The following CCDC17 variants were observed in gnomAD, a reference collection of about 807,000 sequenced individuals.
The protein encoded by CCDC17 is coiled-coil domain containing 17.
A neutral mutation model predicts 68.0 loss-of-function variants in CCDC17; 79 were observed. The observed-to-expected ratio is 1.16, with a 90% CI of 0.97 to 1.40. The LOEUF is 1.40. CCDC17 is among the 40% of genes most tolerant of loss of function. CCDC17 has a pLI of 0.00. For synonymous variants in CCDC17, 376 were observed against 337.5 expected (o/e 1.11, Z -1.25); for missense variants, 846 against 811.5 (o/e 1.04, Z -0.52).
rs1470665082 is a variant in CCDC17, at chr1:45,621,056, T to C, written c.1446A>G (p.Leu482=). The C allele has an allele frequency of 6.2e-7, 1 of 1,614,012 alleles. No individual in the cohort carries two copies. Among genetic ancestry groups the C allele is most frequent in the Non-Finnish European group, 8.5e-7 (1 of 1,179,886 alleles). Reference sequence around the variant, plus strand: ...TTGGCTGTGGTGCCCTAGCCCATGCTAGCCCCTGCCAGACCTGCAGCTCAC... The same window carrying C: ...TTGGCTGTGGTGCCCTAGCCCATGCCAGCCCCTGCCAGACCTGCAGCTCAC... ...LVCELQVWQG[L]AWARAPQPKA... is the part of the protein sequence containing the mutation. The change falls in exon 11 of 13, where the codon CTA becomes CTG. Residue 482 remains leucine (L), a synonymous_variant. Transcript: ENST00000528266.
Position 45,620,174 on chromosome 1 carries a change from T to C in CCDC17, c.*101A>G. 1 of 1,372,536 alleles carries C rather than the reference T, an allele frequency of 7.3e-7. No homozygotes were observed. Among genetic ancestry groups the C allele is most frequent in the Non-Finnish European group, 9.8e-7 (1 of 1,021,984 alleles). The allele number at this position is 1,372,536 out of a possible 1,614,324, so 85.0% of individuals were successfully genotyped here. On this transcript the variant is annotated 3_prime_UTR_variant, in exon 13 of 13. Coordinates refer to ENST00000528266, the MANE Select transcript of CCDC17 (RefSeq NM_001114938.3). ...TTTCTGTACTCAACTGCTAGATGCT[T>C]CTAGACCCAATGTCAGAACATGGAG...
intron 12 of CCDC17, 49 bp downstream of exon 12, chr1:45,620,674 A>G: frequency 1.9e-6 from 3 of 1,557,840 alleles, no homozygotes; most frequent in Non-Finnish European, 2.6e-6. Context: ...CATACCAGCC[A>G]CACCGGTATG....
intron 9 of CCDC17, 53 bp downstream of exon 9, chr1:45,621,585 A>G: frequency 6.2e-7 from 1 of 1,602,176 alleles, no homozygotes; most frequent in Non-Finnish European, 8.5e-7. Context: ...GGCTCCCTTA[A>G]CCAGCAGTGC....
rs756105729 is a variant in CCDC17, at chr1:45,622,818, G to A, written c.673C>T (p.Arg225Trp). The change falls in exon 5 of 13, where the codon CGG (arginine) becomes TGG (tryptophan). Residue 225 changes from arginine (R) to tryptophan (W), a missense_variant. By Grantham distance (101) the Arg-to-Trp change is moderately radical. Coordinates refer to ENST00000528266, the MANE Select transcript of CCDC17 (RefSeq NM_001114938.3). ...GGAGAATAAAGTTCTGCCTCTCGCC[G>A]GGAGCTCAGCGGGTTCCTGGGGTGG... Reference protein sequence around the residue: ...QAEPGNPLSSRREAELYSPVQ... With the variant: ...QAEPGNPLSSWREAELYSPVQ... 1.3e-6 allele frequency: 2 copies of A among 1,598,934 alleles called. No individual in the cohort carries two copies. Among genetic ancestry groups the A allele is most frequent in the Middle Eastern group, 1.7e-4 (1 of 6,046 alleles).
In CCDC17 at chr1:45,624,022, G is replaced by A. The variant is rs1327510321; in HGVS notation, c.-113C>T. On this transcript the variant is annotated 5_prime_UTR_variant, in exon 1 of 13. In the 5' UTR this introduces an upstream ATG that the reference lacks. Transcript: ENST00000528266. ...AAGCCAGAGGCAGAGAGGAAAGGCC[G>A]TGTCTATTAGGTCTGTGAGATCTTC... The A allele has an allele frequency of 2.3e-5, 17 of 747,282 alleles. No homozygotes were observed. The highest frequency in any genetic ancestry group is 5.4e-5 in the East Asian group (2 of 36,960). The allele number at this position is 747,282 out of a possible 1,614,324, so 46.3% of individuals were successfully genotyped here.
In CCDC17 at chr1:45,621,344, G is replaced by T. The variant is rs1206294393; in HGVS notation, c.1325C>A (p.Pro442Gln). The change falls in exon 10 of 13, where the codon CCA becomes CAA. Residue 442 changes from proline (P) to glutamine (Q), a missense_variant. Pro to Gln is a moderately conservative substitution (Grantham distance 76, BLOSUM62 -1). Transcript: ENST00000528266. ...TALPPALCLPPPPAPGPMGNC... is the reference protein window; with the variant it reads ...TALPPALCLPQPPAPGPMGNC... The stretch of plus-strand genomic sequence containing the variant: ...GCCCATGGGCCCGGGAGCAGGAGGT[G>T]GGGGCAGGCAAAGGGCTGGGGGCAA... 1 of 1,590,202 alleles carries T rather than the reference G, an allele frequency of 6.3e-7. No homozygotes were observed. Among genetic ancestry groups the T allele is most frequent in the South Asian group, 1.1e-5 (1 of 87,266 alleles).
chr1:45,620,774 T>C lies in CCDC17; in HGVS notation c.1659A>G (p.Thr553=). The stretch of plus-strand genomic sequence containing the variant: ...CACTTGCTGGATTGATCTCTGCCAG[T>C]GTCTGTACAGCTGCATCTCTTGCAT... ...LVNARDAAVQ[T]LAEINPASVH... Residue 553 remains threonine (T), a synonymous_variant, in exon 12 of 13, where the codon ACA becomes ACG. Transcript: ENST00000528266. 6.2e-7 allele frequency: 1 copy of C among 1,611,570 alleles called. No homozygotes were observed. The highest frequency in any genetic ancestry group is 8.5e-7 in the Non-Finnish European group (1 of 1,178,924).
rs372639902 is a variant in CCDC17 at position 45,622,352 on chromosome 1, C to T, written c.860-4G>A. 20 of 1,602,976 alleles carry T rather than the reference C, an allele frequency of 1.2e-5. No homozygotes were observed. Among genetic ancestry groups the T allele is most frequent in the African/African-American group, 2.7e-5 (2 of 74,220 alleles). On this transcript the variant is annotated splice_polypyrimidine_tract_variant and splice_region_variant and intron_variant, in intron 6 of 12. Transcript: ENST00000528266. ...CCTGAGGTGGCACCTGCCCTTCCTG[C>T]GATGAACAAGTGTGACCTGTCACCT...
rs1644328186 is a variant in CCDC17, at chr1:45,623,001, G to A, written c.610C>T (p.Leu204=). The A allele has an allele frequency of 1.9e-6, 3 of 1,612,036 alleles. No individual in the cohort carries two copies. The highest frequency in any genetic ancestry group is 2.5e-6 in the Non-Finnish European group (3 of 1,178,990). ...TGAATGCGGGCCCCCAACACCTCTAGAGCTCCCCGCGTCCTCCCGGCCTCA... is the reference window on the plus strand; with the variant it reads ...TGAATGCGGGCCCCCAACACCTCTAAAGCTCCCCGCGTCCTCCCGGCCTCA... ...QAEAGRTRGA[L]EVLGARIQEL... is the part of the protein sequence containing the mutation. Residue 204 remains leucine (L), a synonymous_variant, in exon 4 of 13, where the codon CTA becomes TTA. Coordinates refer to ENST00000528266, the MANE Select transcript of CCDC17 (RefSeq NM_001114938.3).
rs756004988 is a variant in CCDC17, at chr1:45,621,084, ACCAAAGATAC to A, written c.1408_1417del (p.Val470SerfsTer10). Reference sequence around the variant, plus strand: ...CCCCTGCCAGACCTGCAGCTCACAGACCAAAGATACTGATGATGAGGGTGGTAGTCTGTAG... The same window carrying A: ...CCCCTGCCAGACCTGCAGCTCACAGATGATGATGAGGGTGGTAGTCTGTAG... On this transcript the variant is annotated frameshift_variant, in exon 11 of 13. Transcript: ENST00000528266. LOFTEE classifies it high-confidence loss of function. The A allele has an allele frequency of 6.1e-5, 99 of 1,613,846 alleles. No individual in the cohort carries two copies. The highest frequency in any genetic ancestry group is 8.0e-5 in the Non-Finnish European group (94 of 1,179,880).
intron 7 of CCDC17, 51 bp from the exon 8 acceptor site, chr1:45,622,046 A>G: frequency 6.6e-7 from 1 of 1,524,718 alleles, no homozygotes; most frequent in Admixed American, 1.9e-5. Flanking sequence ...GCAGGTAATT[A>G]GCTGAGATAC....
At position 45,622,992 on chromosome 1, in the gene CCDC17, A is replaced by T; in HGVS notation, c.619T>A (p.Leu207Met). The change falls in exon 4 of 13, where the codon TTG (leucine) becomes ATG (methionine). Residue 207 changes from leucine (L) to methionine (M), a missense_variant. Physicochemically the swap from Leu to Met is conservative, Grantham distance 15. Transcript: ENST00000528266. ...TGCAGCTCCTGAATGCGGGCCCCCAACACCTCTAGAGCTCCCCGCGTCCTC... is the reference window on the plus strand; with the variant it reads ...TGCAGCTCCTGAATGCGGGCCCCCATCACCTCTAGAGCTCCCCGCGTCCTC... ...AGRTRGALEV[L>M]GARIQELQAE... 6 of 1,609,036 alleles carry T rather than the reference A, an allele frequency of 3.7e-6. No homozygotes were observed. Among genetic ancestry groups the T allele is most frequent in the Non-Finnish European group, 5.1e-6 (6 of 1,177,350 alleles).
At position 45,621,116 on chromosome 1, in the gene CCDC17, G is replaced by A. The variant is rs1644238526; in HGVS notation, c.1389-3C>T. On this transcript the variant is annotated splice_polypyrimidine_tract_variant and splice_region_variant and intron_variant, in intron 10 of 12. Coordinates refer to ENST00000528266, the MANE Select transcript of CCDC17 (RefSeq NM_001114938.3). ...ATACTGATGATGAGGGTGGTAGTCT[G>A]TAGAATAACCAAAAAGCAGTGTCGG... 1 of 1,613,346 alleles carries A rather than the reference G, an allele frequency of 6.2e-7. No homozygotes were observed.
rs758718813 is a variant in CCDC17 at position 45,623,950 on chromosome 1, AAGG to A, written c.-44_-42del. ...TCCTGAAACCAGCCAAGACCTGCAG[AAGG>A]GATCAAGGGCAGGGGAAAGGCAGAG... On this transcript the variant is annotated 5_prime_UTR_variant, in exon 1 of 13. Coordinates refer to ENST00000528266, the MANE Select transcript of CCDC17 (RefSeq NM_001114938.3). The A allele has an allele frequency of 1.2e-5, 16 of 1,357,162 alleles. No individual in the cohort carries two copies. The South Asian group carries it at 2.4e-4, about 20-fold the overall frequency. 84.1% of individuals were successfully genotyped at this position (1,357,162 alleles called of 1,614,324 possible).
chr1:45,620,523 C>T, intron 12 of CCDC17, 90 bp from the exon 13 acceptor site: 4 of 1,458,436 alleles, frequency 2.7e-6, no homozygotes, highest in South Asian at 1.4e-5. Flanking sequence ...TAGAGTCTCA[C>T]TTACTGTGAA....
chr1:45,622,791 C>G lies in CCDC17; in HGVS notation c.700G>C (p.Val234Leu). ...SRREAELYSP[V>L]QKANPGTLAA... ...AGAGTTCCCGGGTTGGCCTTTTGCA[C>G]TGGAGAATAAAGTTCTGCCTCTCGC... Residue 234 changes from valine (V) to leucine (L), a missense_variant, in exon 5 of 13, where the codon GTG becomes CTG. Transcript: ENST00000528266. 1 of 1,602,928 alleles carries G rather than the reference C, an allele frequency of 6.2e-7. No individual in the cohort carries two copies. The highest frequency in any genetic ancestry group is 8.5e-7 in the Non-Finnish European group (1 of 1,175,004).
In CCDC17 at chr1:45,620,957, C is replaced by T. The variant is rs752030269; in HGVS notation, c.1545G>A (p.Arg515=). 1.3e-5 allele frequency: 21 copies of T among 1,613,696 alleles called. No homozygotes were observed. The highest frequency in any genetic ancestry group is 1.7e-5 in the Non-Finnish European group (20 of 1,179,838). ...TAAGGCTGGGGTCCAGAGGAAGGGCCCGAAGTGGGAGGCGCCAGCGGCCAC... is the reference window on the plus strand; with the variant it reads ...TAAGGCTGGGGTCCAGAGGAAGGGCTCGAAGTGGGAGGCGCCAGCGGCCAC... ...VLSGRWRLPL[R]ALPLDPSLSL... Residue 515 remains arginine (R), a synonymous_variant, in exon 11 of 13, where the codon CGG becomes CGA. Coordinates refer to ENST00000528266, the MANE Select transcript of CCDC17 (RefSeq NM_001114938.3).
Position 45,620,127 on chromosome 1 carries a change from T to C in CCDC17, c.*148A>G. ...AAGTTAAGGACTTAACGGGAGGTGG[T>C]AAAGCTGTGGTTGGAACTGGTTTTC... On this transcript the variant is annotated 3_prime_UTR_variant, in exon 13 of 13. Coordinates refer to ENST00000528266, the MANE Select transcript of CCDC17 (RefSeq NM_001114938.3). The C allele has an allele frequency of 3.9e-6, 3 of 774,110 alleles. No homozygotes were observed. The highest frequency in any genetic ancestry group is 5.9e-6 in the Non-Finnish European group (3 of 510,892). 48.0% of individuals were successfully genotyped at this position (774,110 alleles called of 1,614,324 possible). A position where few individuals can be genotyped will look rare whatever the true frequency, so the allele number is the denominator to read the frequency against.
Position 45,623,296 on chromosome 1 carries a change from C to G in CCDC17, c.414G>C (p.Leu138=). The change falls in exon 3 of 13, where the codon CTG becomes CTC. Residue 138 remains leucine (L), a synonymous_variant. Transcript: ENST00000528266. ...SEAVGSPSER[L]RALFRTRARR... is the part of the protein sequence containing the mutation. Reference sequence around the variant, plus strand: ...TCGCGCGAGTCCTGAACAGCGCCCGCAGCCGCTCGCTGGGGCTTCCCACCG... The same window carrying G: ...TCGCGCGAGTCCTGAACAGCGCCCGGAGCCGCTCGCTGGGGCTTCCCACCG... 6.5e-7 allele frequency: 1 copy of G among 1,549,206 alleles called. No homozygotes were observed. The highest frequency in any genetic ancestry group is 8.7e-7 in the Non-Finnish European group (1 of 1,146,840).
Sources: allele counts gnomAD v4.1 joint callset, GRCh38; gene constraint gnomAD v4.1.1; transcripts MANE v1.5; gene names NCBI Gene and HGNC (gene_info 2026-07-23, HGNC 2026-07-21).